SEPTIN9: variants seen among roughly 807,000 people sequenced by gnomAD.
The protein encoded by SEPTIN9 is septin 9, also known as septin-9.
Under a neutral mutation model 56.6 loss-of-function variants are expected in SEPTIN9, and 13 were observed. That is an observed-to-expected ratio of 0.23 (90% CI 0.15 to 0.37). The LOEUF (loss-of-function observed/expected upper bound fraction) is 0.37. Ranked by LOEUF, SEPTIN9 falls within the 10% of genes least tolerant of loss-of-function variation. SEPTIN9 has a pLI of 1.00. For synonymous variants in SEPTIN9, 332 were observed against 334.1 expected, an observed-to-expected ratio of 0.99 and a Z score of 0.07; for missense variants, 650 against 823.1, an observed-to-expected ratio of 0.79 and a Z score of 2.57.
chr17:77,380,954 G>A (rs1326096948), intron 2 of SEPTIN9, among the ~76,000 whole-genome samples: 1 of 152,218 alleles, frequency 6.6e-6, no homozygotes, highest in Non-Finnish European at 1.5e-5. Flanking sequence ...CCCTCTGAGG[G>A]GCTGGAGCTC....
At chr17:77,364,357 T>G (rs972794434) in intron 2 of SEPTIN9, among the ~76,000 whole-genome samples, 2 of 152,204 alleles carry the variant, frequency 1.3e-5, no homozygotes, top group Non-Finnish European at 2.9e-5. Context: ...TAGGGTAATT[T>G]GTTAATGGGG....
At chr17:77,341,308 T>C (rs1176921951) in intron 2 of SEPTIN9, among the ~76,000 whole-genome samples, 1 of 152,216 alleles carries the variant, frequency 6.6e-6, no homozygotes, top group African/African-American at 2.4e-5. Context: ...TTAATTGGCC[T>C]AATTTCAATA....
chr17:77,457,821 C>T (rs75610194), intron 3 of SEPTIN9, among the ~76,000 whole-genome samples: 3,022 of 152,348 alleles, frequency 0.02, 58 homozygotes, highest in South Asian at 0.029. Context: ...GTCACTATGA[C>T]GTGTTTAGTT....
At chr17:77,373,261 C>T in intron 2 of SEPTIN9, 1 of 1,140,722 alleles carries the variant, frequency 8.8e-7, no homozygotes, top group Non-Finnish European at 1.1e-6. Context: ...GGTGCGGGAA[C>T]CTGATCCGCC....
At chr17:77,364,919 C>T (rs2034527581) in intron 2 of SEPTIN9, among the ~76,000 whole-genome samples, 1 of 152,250 alleles carries the variant, frequency 6.6e-6, no homozygotes, top group Admixed American at 6.5e-5. Flanking sequence ...GAAATTTCTT[C>T]ACAACCACCA....
chr17:77,292,651 G>A (rs959282629), intron 1 of SEPTIN9, among the ~76,000 whole-genome samples: 8 of 151,958 alleles, frequency 5.3e-5, no homozygotes, highest in South Asian at 2.1e-4. Flanking sequence ...CCGCCACCAT[G>A]CCTGGCCAAT....
chr17:77,412,129 C>CA (rs756030644), intron 3 of SEPTIN9, among the ~76,000 whole-genome samples: 6,970 of 66,510 alleles, frequency 0.1, 259 homozygotes, highest in Non-Finnish European at 0.15. Flanking sequence ...GACTCCCTAT[C>CA]AAAAAAAAAA....
At position 77,402,008 on chromosome 17, in the gene SEPTIN9, T is replaced by A. The variant is rs941144076; in HGVS notation, c.77-51T>A. ...CTCCTTAGCAGGAAACATGCCGGAGTGTTCCCTAGCCATCCATTCACCAAT... is the reference window on the plus strand; with the variant it reads ...CTCCTTAGCAGGAAACATGCCGGAGAGTTCCCTAGCCATCCATTCACCAAT... On this transcript the variant is annotated intron_variant, in intron 2 of 11. Coordinates refer to ENST00000427177, the MANE Select transcript of SEPTIN9 (RefSeq NM_001113491.2). The surrounding 1 kb of genome is among the most constrained non-coding windows in gnomAD (Gnocchi z 6.6). 2 of 1,570,892 alleles carry A rather than the reference T, an allele frequency of 1.3e-6. No homozygotes were observed. Among genetic ancestry groups the A allele is most frequent in the African/African-American group, 2.7e-5 (2 of 73,680 alleles).
intron 1 of SEPTIN9, among the ~76,000 whole-genome samples, chr17:77,296,092 CTCACTTG>C (rs2031798094): frequency 8.3e-6 from 1 of 120,010 alleles, no homozygotes; most frequent in Non-Finnish European, 1.7e-5. Context: ...CTCCTCCCCC[CTCACTTG>C]TAAACAGAGG....
intron 10 of SEPTIN9, among the ~76,000 whole-genome samples, chr17:77,495,132 C>T (rs1430466716): frequency 6.6e-6 from 1 of 152,164 alleles, no homozygotes; most frequent in African/African-American, 2.4e-5. Flanking sequence ...TGGTGGCCAA[C>T]CTTGAGTACC....
intron 2 of SEPTIN9, chr17:77,373,227 G>A (rs2143912732): frequency 8.9e-7 from 1 of 1,118,620 alleles, no homozygotes; most frequent in South Asian, 4.3e-5. Context: ...GGAGCAGCCA[G>A]TGCGAGACAG....
At chr17:77,320,741 G>T (rs2032885332) in intron 2 of SEPTIN9, among the ~76,000 whole-genome samples, 1 of 152,248 alleles carries the variant, frequency 6.6e-6, no homozygotes, top group South Asian at 2.1e-4. Flanking sequence ...CCACTGTGTG[G>T]TTTGTTTTTT....
Position 77,319,410 on chromosome 17 carries a change from C to T in SEPTIN9, c.76+12213C>T, listed in dbSNP as rs1236435468. 8 of 390,674 alleles carry T rather than the reference C, an allele frequency of 2.0e-5. No individual in the cohort carries two copies. Among genetic ancestry groups the T allele is most frequent in the Admixed American group, 1.2e-4 (2 of 16,220 alleles). 24.2% of individuals were successfully genotyped at this position (390,674 alleles called of 1,614,324 possible). On this transcript the variant is annotated intron_variant, in intron 2 of 11. Transcript: ENST00000427177. The surrounding 1 kb of genome is among the most constrained non-coding windows in gnomAD (Gnocchi z 5.3). ...GTTCCCGGAGAGGAAGACTCGCTCC[C>T]TCCCAGGGGACGGCTAGAGACTCAC... is the stretch of plus-strand genomic sequence containing the variant.
chr17:77,333,856 G>A (rs1337103009), intron 2 of SEPTIN9, among the ~76,000 whole-genome samples: 1 of 151,660 alleles, frequency 6.6e-6, no homozygotes, highest in Non-Finnish European at 1.5e-5. Context: ...TTATGAGGTC[G>A]CACAATTTTC....
chr17:77,414,192 C>T (rs567232945), intron 3 of SEPTIN9, among the ~76,000 whole-genome samples: 1 of 152,088 alleles, frequency 6.6e-6, no homozygotes, highest in Admixed American at 6.5e-5. Flanking sequence ...AATTCTCCTG[C>T]CTCAGCCTCC....
rs1452713821 is a variant in SEPTIN9 at position 77,371,205 on chromosome 17, T to C, written c.77-30854T>C. Among the ~76,000 whole-genome samples, 2 of 152,172 alleles carry C rather than the reference T, an allele frequency of 1.3e-5. No homozygotes were observed. Among genetic ancestry groups the C allele is most frequent in the Non-Finnish European group, 2.9e-5 (2 of 68,036 alleles). On this transcript the variant is annotated intron_variant, in intron 2 of 11. Coordinates refer to ENST00000427177, the MANE Select transcript of SEPTIN9 (RefSeq NM_001113491.2). The surrounding 1 kb of genome is among the most constrained non-coding windows in gnomAD (Gnocchi z 4.1). ...CTGAGTGATTACATTGAAGGGGCAG[T>C]GGCTGGGGCTGGAGCCGGTGGGCTC... is the stretch of plus-strand genomic sequence containing the variant.
rs894999316 is a variant in SEPTIN9, at chr17:77,371,825, G to A, written c.77-30234G>A. On this transcript the variant is annotated intron_variant, in intron 2 of 11. Coordinates refer to ENST00000427177, the MANE Select transcript of SEPTIN9 (RefSeq NM_001113491.2). The surrounding 1 kb of genome is among the most constrained non-coding windows in gnomAD (Gnocchi z 4.1). ...CCACAAACTCACTTGGTTGAAAATA[G>A]TTCAAAATATCCAAAGCATGAGGGA... Among the ~76,000 whole-genome samples the A allele has an allele frequency of 6.6e-6, 1 of 152,208 alleles. No homozygotes were observed. Among genetic ancestry groups the A allele is most frequent in the Non-Finnish European group, 1.5e-5 (1 of 68,036 alleles).
intron 2 of SEPTIN9, among the ~76,000 whole-genome samples, chr17:77,365,580 A>C (rs1460759733): frequency 1.3e-5 from 2 of 152,082 alleles, no homozygotes; most frequent in Admixed American, 6.5e-5. Flanking sequence ...GGCATTGAGG[A>C]AGGATCTCCC....
intron 3 of SEPTIN9, among the ~76,000 whole-genome samples, chr17:77,462,149 C>G (rs888312497): frequency 1.3e-5 from 2 of 151,924 alleles, no homozygotes; most frequent in African/African-American, 4.9e-5. Context: ...CAGAGATTAA[C>G]AGGAAACAAG....
Sources: gnomAD v4.1 joint callset for allele counts (sites outside exome capture counted in the v4.1 genomes callset) on GRCh38, gnomAD v4.1.1 for gene constraint, Gnocchi (gnomAD v3.1) non-coding constraint, MANE v1.5 for transcripts, NCBI Gene and HGNC (gene_info 2026-07-23, HGNC 2026-07-21) for gene names.